The following NRXN3 variants were observed in gnomAD, a reference collection of about 807,000 sequenced individuals.
NRXN3 encodes the protein neurexin III.
In NRXN3, 32 loss-of-function variants were observed where a neutral mutation model predicts 137.6. The observed-to-expected ratio is 0.23, with a 90% CI of 0.18 to 0.31. The LOEUF (loss-of-function observed/expected upper bound fraction) is 0.31. NRXN3 is among the 10% of genes least tolerant of loss of function. The pLI, the probability that NRXN3 is intolerant of heterozygous loss-of-function variation, is 1.00. For missense variants in NRXN3, 1,574 were observed against 2,062.5 expected, an observed-to-expected ratio of 0.76 and a Z score of 4.59; for synonymous variants, 798 against 784.5, an observed-to-expected ratio of 1.02 and a Z score of -0.29.
chr14:79,410,239 C>T (rs945212303), intron 15 of NRXN3, among the ~76,000 whole-genome samples: 2 of 151,736 alleles, frequency 1.3e-5, no homozygotes, highest in East Asian at 3.9e-4. Context: ...CCTAGATCAA[C>T]CACACAGATT....
intron 4 of NRXN3, among the ~76,000 whole-genome samples, chr14:78,472,573 C>T (rs2095295666): frequency 6.6e-6 from 1 of 152,176 alleles, no homozygotes; most frequent in South Asian, 2.1e-4. Context: ...GGGAAGACAT[C>T]CACATCCATG....
chr14:78,873,700 C>T (rs986393848), intron 10 of NRXN3, among the ~76,000 whole-genome samples: 6 of 152,132 alleles, frequency 3.9e-5, no homozygotes, highest in Admixed American at 2.0e-4. Flanking sequence ...GTATGATGTA[C>T]AGAAGTCTAC....
At chr14:79,777,612 G>T (rs2099101045) in intron 19 of NRXN3, among the ~76,000 whole-genome samples, 1 of 152,014 alleles carries the variant, frequency 6.6e-6, no homozygotes, top group East Asian at 1.9e-4. Flanking sequence ...ATGGATGGAT[G>T]TGAATTTTTT....
chr14:78,562,126 C>A (rs113698951), intron 4 of NRXN3, among the ~76,000 whole-genome samples: 1 of 151,932 alleles, frequency 6.6e-6, no homozygotes, highest in Non-Finnish European at 1.5e-5. Flanking sequence ...AGGTGGGGCA[C>A]GATGTCTCAC....
intron 4 of NRXN3, among the ~76,000 whole-genome samples, chr14:78,642,423 C>T (rs530223163): frequency 1.3e-5 from 2 of 152,222 alleles, no homozygotes; most frequent in East Asian, 3.9e-4. Flanking sequence ...ATATCTGGTG[C>T]CTTGCTGTTC....
chr14:79,054,745 T>A (rs962435665), intron 15 of NRXN3, among the ~76,000 whole-genome samples: 2 of 152,160 alleles, frequency 1.3e-5, no homozygotes, highest in African/African-American at 4.8e-5. Flanking sequence ...CCTAGGCCAG[T>A]TGTTAACAGT....
intron 16 of NRXN3, among the ~76,000 whole-genome samples, chr14:79,481,408 A>G (rs2096607072): frequency 6.6e-6 from 1 of 152,180 alleles, no homozygotes; most frequent in Admixed American, 6.5e-5. Flanking sequence ...TGTGAACATC[A>G]TAGAGTGTAC....
chr14:78,639,222 G>A (rs188088733), intron 4 of NRXN3, among the ~76,000 whole-genome samples: 138 of 152,320 alleles, frequency 9.1e-4, no homozygotes, highest in African/African-American at 3.1e-3. Flanking sequence ...GCCAGGATGG[G>A]CAGCCAGGTT....
intron 16 of NRXN3, 104 bp downstream of exon 16, chr14:79,467,506 C>A (rs948194397): frequency 7.9e-6 from 8 of 1,009,966 alleles, no homozygotes; most frequent in Non-Finnish European, 1.1e-5. Flanking sequence ...GGCAAAGGTG[C>A]ACATGCTTAT....
At chr14:78,985,157 G>A (rs1321757273) in intron 14 of NRXN3, among the ~76,000 whole-genome samples, 3 of 152,134 alleles carry the variant, frequency 2.0e-5, no homozygotes, top group Admixed American at 1.3e-4. Context: ...GTGCAGACAT[G>A]CTCCTACACT....
intron 4 of NRXN3, among the ~76,000 whole-genome samples, chr14:78,613,198 T>G (rs1044497772): frequency 1.1e-4 from 17 of 152,158 alleles, no homozygotes; most frequent in African/African-American, 4.1e-4. Context: ...TGCCATTCCT[T>G]ATCCAGATCT....
intron 8 of NRXN3, among the ~76,000 whole-genome samples, chr14:78,797,711 C>T (rs556163166): frequency 2.6e-5 from 4 of 152,030 alleles, no homozygotes; most frequent in South Asian, 2.1e-4. Flanking sequence ...AAGGCATACC[C>T]GAGACTGGGT....
intron 15 of NRXN3, among the ~76,000 whole-genome samples, chr14:79,036,600 T>C (rs1430704601): frequency 1.7e-3 from 1 of 588 alleles, no homozygotes; most frequent in Non-Finnish European, 6.5e-3. Flanking sequence ...TGGGTTTTTT[T>C]TTTTTTTTTT....
chr14:79,130,403 G>A (rs539503970), intron 15 of NRXN3, among the ~76,000 whole-genome samples: 1,739 of 152,096 alleles, frequency 0.011, 16 homozygotes, highest in Non-Finnish European at 0.018. Context: ...GCATTTGCTT[G>A]TCTGTAACGT....
chr14:79,528,079 A>G (rs923278426), intron 16 of NRXN3, among the ~76,000 whole-genome samples: 2 of 152,128 alleles, frequency 1.3e-5, no homozygotes, highest in Non-Finnish European at 2.9e-5. Context: ...CTATTTACGT[A>G]TTTAACCAAA....
At chr14:79,794,131 G>A (rs2099153812) in intron 19 of NRXN3, among the ~76,000 whole-genome samples, 1 of 152,150 alleles carries the variant, frequency 6.6e-6, no homozygotes, top group African/African-American at 2.4e-5. Context: ...TTGGGAGGAT[G>A]AGGCAGGTGA....
chr14:78,298,352 G>A (rs1354659390), intron 4 of NRXN3, among the ~76,000 whole-genome samples: 1 of 152,202 alleles, frequency 6.6e-6, no homozygotes, highest in Non-Finnish European at 1.5e-5. Flanking sequence ...GTCAAAGGAA[G>A]CCCTTGTGGG....
At chr14:78,914,483 A>G (rs1046543622) in intron 10 of NRXN3, among the ~76,000 whole-genome samples, 1 of 152,170 alleles carries the variant, frequency 6.6e-6, no homozygotes, top group Non-Finnish European at 1.5e-5. Context: ...AAGGTTTACT[A>G]CTTTAACGAA....
intron 17 of NRXN3, among the ~76,000 whole-genome samples, chr14:79,678,178 T>C (rs2098650923): frequency 6.6e-6 from 1 of 152,150 alleles, no homozygotes; most frequent in Non-Finnish European, 1.5e-5. Context: ...CTACTTAGAA[T>C]AGCTAGCTGT....
Sources: gnomAD v4.1 joint callset for allele counts (sites outside exome capture counted in the v4.1 genomes callset) on GRCh38, gnomAD v4.1.1 for gene constraint, MANE v1.5 for transcripts, NCBI Gene and HGNC (gene_info 2026-07-23, HGNC 2026-07-21) for gene names.